Variants in RIMS1 observed in about 807,000 individuals in gnomAD.
RIMS1 encodes regulating synaptic membrane exocytosis 1.
RIMS1 carries 83 observed loss-of-function variants against 214.1 expected under a neutral mutation model. The ratio of observed to expected loss-of-function variants is 0.39; its 90% CI spans 0.32 to 0.47. The LOEUF is 0.47. Among genes scored for constraint, RIMS1 ranks in the 20% least tolerant of loss-of-function variants. RIMS1 has a pLI of 0.99. For synonymous variants in RIMS1, 793 were observed against 786.8 expected, an observed-to-expected ratio of 1.01 and a Z score of -0.13; for missense variants, 2,050 against 2,161.8, an observed-to-expected ratio of 0.95 and a Z score of 1.03.
At chr6:72,049,338 C>T (rs1349552861) in intron 2 of RIMS1, among the ~76,000 whole-genome samples, 1 of 152,048 alleles carries the variant, frequency 6.6e-6, no homozygotes, top group Non-Finnish European at 1.5e-5. Context: ...GGAACTCAAC[C>T]CCTCTTATGG....
chr6:72,288,651 AACTAT>A (rs2092811732), intron 24 of RIMS1, among the ~76,000 whole-genome samples: 2 of 152,198 alleles, frequency 1.3e-5, no homozygotes, highest in Admixed American at 6.5e-5. Context: ...CCTAAAAACA[AACTAT>A]ACTTGGTTCT....
intron 4 of RIMS1, among the ~76,000 whole-genome samples, chr6:72,136,528 T>G (rs1489252637): frequency 1.3e-5 from 2 of 152,108 alleles, no homozygotes; most frequent in Non-Finnish European, 2.9e-5. Context: ...GAAACAAACA[T>G]AAATTTTTGA....
chr6:71,966,451 C>T (rs1794461854), intron 1 of RIMS1, among the ~76,000 whole-genome samples: 1 of 152,084 alleles, frequency 6.6e-6, no homozygotes, highest in South Asian at 2.1e-4. Context: ...AAATTTTAAA[C>T]CAAAACCACT....
intron 4 of RIMS1, among the ~76,000 whole-genome samples, chr6:72,128,163 G>A (rs997465028): frequency 4.6e-5 from 7 of 152,124 alleles, no homozygotes; most frequent in Non-Finnish European, 8.8e-5. Context: ...CTGGATGATT[G>A]CATTTCAAAC....
At chr6:72,211,789 G>A (rs1043234522) in intron 6 of RIMS1, among the ~76,000 whole-genome samples, 1 of 152,102 alleles carries the variant, frequency 6.6e-6, no homozygotes, top group Non-Finnish European at 1.5e-5. Flanking sequence ...GCATTTGATT[G>A]TAATAGGTTT....
chr6:72,019,509 A>C lies in RIMS1; in HGVS notation c.245+50446A>C, dbSNP rs1235392228. ...AGGTGTTATAGCGATCACTATAGTA[A>C]AACCCTTTTACATTTTCTATTTGAG... On this transcript the variant is annotated intron_variant, in intron 2 of 33. Coordinates refer to ENST00000521978, the MANE Select transcript of RIMS1 (RefSeq NM_014989.7). 2.0e-5 allele frequency among the ~76,000 whole-genome samples: 3 copies of C among 152,232 alleles called. No individual in the cohort carries two copies. In the South Asian group the frequency reaches 6.2e-4, roughly 31 times the overall value.
chr6:72,034,188 A>G (rs1818930585), intron 2 of RIMS1, among the ~76,000 whole-genome samples: 1 of 152,186 alleles, frequency 6.6e-6, no homozygotes, highest in Non-Finnish European at 1.5e-5. Context: ...AATTTCTGAT[A>G]AACAATGAAT....
At chr6:72,176,024 T>C (rs2047653914) in intron 4 of RIMS1, among the ~76,000 whole-genome samples, 1 of 152,224 alleles carries the variant, frequency 6.6e-6, no homozygotes, top group Non-Finnish European at 1.5e-5. Context: ...CAGTCCTGCA[T>C]ATTTTCTGAT....
chr6:71,972,674 G>T (rs1796149648), intron 2 of RIMS1, among the ~76,000 whole-genome samples: 1 of 152,114 alleles, frequency 6.6e-6, no homozygotes, highest in African/African-American at 2.4e-5. Flanking sequence ...AATGAATTGA[G>T]TCATATGCCT....
At chr6:72,346,782 A>G (rs770170944) in intron 29 of RIMS1, among the ~76,000 whole-genome samples, 3 of 151,872 alleles carry the variant, frequency 2.0e-5, no homozygotes, top group Admixed American at 6.6e-5. Context: ...TTTTATGTCA[A>G]TAAACATAGT....
chr6:72,285,832 A>G (rs932900782), intron 24 of RIMS1, among the ~76,000 whole-genome samples: 6 of 152,162 alleles, frequency 3.9e-5, no homozygotes, highest in Non-Finnish European at 7.4e-5. Flanking sequence ...AATTATTTTG[A>G]CATGATTAAA....
rs181718869 is a variant in RIMS1 at position 72,401,348 on chromosome 6, G to A, written c.*634G>A. 126 of 152,666 alleles carry A rather than the reference G, an allele frequency of 8.3e-4. No individual in the cohort carries two copies. Among genetic ancestry groups the A allele is most frequent in the African/African-American group, 2.7e-3 (111 of 41,544 alleles). The allele number at this position is 152,666 out of a possible 1,614,324, so 9.5% of individuals were successfully genotyped here. ...TAGCATCTCCCCAAAGTGTTAAACAGCTACATAAGGTGAAGCCAAGGAAGG... is the reference window on the plus strand; with the variant it reads ...TAGCATCTCCCCAAAGTGTTAAACAACTACATAAGGTGAAGCCAAGGAAGG... On this transcript the variant is annotated 3_prime_UTR_variant, in exon 34 of 34. Transcript: ENST00000521978.
chr6:71,925,255 A>T (rs1206967733), intron 1 of RIMS1, among the ~76,000 whole-genome samples: 3 of 152,326 alleles, frequency 2.0e-5, no homozygotes, highest in Admixed American at 6.5e-5. Context: ...GACCTTATCC[A>T]TCCGTTGCCT....
At chr6:72,327,679 A>G (rs940095380) in intron 28 of RIMS1, among the ~76,000 whole-genome samples, 1 of 151,752 alleles carries the variant, frequency 6.6e-6, no homozygotes, top group Non-Finnish European at 1.5e-5. Context: ...AACCTTTGTT[A>G]TTGTCTATTT....
intron 24 of RIMS1, among the ~76,000 whole-genome samples, chr6:72,289,596 G>A (rs1388103109): frequency 6.6e-6 from 1 of 151,972 alleles, no homozygotes; most frequent in South Asian, 2.1e-4. Flanking sequence ...TTCCTGTTTT[G>A]TTGTTCTTGA....
intron 6 of RIMS1, among the ~76,000 whole-genome samples, chr6:72,230,608 T>C (rs1394363212): frequency 1.3e-5 from 2 of 151,548 alleles, no homozygotes; most frequent in Non-Finnish European, 3.0e-5. Flanking sequence ...TGATACACAA[T>C]TCTAAATTAT....
intron 1 of RIMS1, among the ~76,000 whole-genome samples, chr6:71,947,717 T>C (rs147476609): frequency 6.6e-6 from 1 of 152,112 alleles, no homozygotes; most frequent in Non-Finnish European, 1.5e-5. Context: ...AAGAAAACAA[T>C]AAGTATTTTA....
intron 2 of RIMS1, among the ~76,000 whole-genome samples, chr6:71,992,543 T>C (rs1802084925): frequency 6.7e-6 from 1 of 148,868 alleles, no homozygotes; most frequent in African/African-American, 2.5e-5. Flanking sequence ...CCTCCTCTTC[T>C]TCTTCTCCTT....
intron 1 of RIMS1, among the ~76,000 whole-genome samples, chr6:71,916,590 G>T (rs914994805): frequency 6.6e-6 from 1 of 151,990 alleles, no homozygotes; most frequent in African/African-American, 2.4e-5. Flanking sequence ...AATTATTATT[G>T]CTCTGGATTT....
Sources: gnomAD v4.1 joint callset for allele counts (sites outside exome capture counted in the v4.1 genomes callset) on GRCh38, gnomAD v4.1.1 for gene constraint, MANE v1.5 for transcripts, NCBI Gene and HGNC (gene_info 2026-07-23, HGNC 2026-07-21) for gene names.